The following EHBP1 variants were observed in gnomAD, a reference collection of about 807,000 sequenced individuals.
The protein encoded by EHBP1 is EH domain binding protein 1.
In EHBP1, 55 loss-of-function variants were observed where a neutral mutation model predicts 144.0. That is an observed-to-expected ratio of 0.38 (90% CI 0.31 to 0.48). The LOEUF is 0.48. Among genes scored for constraint, EHBP1 ranks in the 20% least tolerant of loss-of-function variants. The pLI is 0.98. For synonymous variants in EHBP1, 469 were observed against 472.7 expected (o/e 0.99, Z 0.10); for missense variants, 1,200 against 1,364.2 (o/e 0.88, Z 1.90).
intron 10 of EHBP1, among the ~76,000 whole-genome samples, chr2:62,885,966 T>C (rs928544918): frequency 6.6e-6 from 1 of 152,222 alleles, no homozygotes; most frequent in Non-Finnish European, 1.5e-5. Context: ...TAGAAAGTTC[T>C]AAGCAAGACT....
chr2:62,900,684 G>GTATATATATATATATATATATATA (rs147278087), intron 10 of EHBP1, among the ~76,000 whole-genome samples: 9 of 141,484 alleles, frequency 6.4e-5, no homozygotes, highest in African/African-American at 2.2e-4. Context: ...GTGTGTATGT[G>GTATATATATATATATATATATATA]TATATATATA....
chr2:62,981,610 G>A (rs923924786), intron 15 of EHBP1, among the ~76,000 whole-genome samples: 6 of 152,172 alleles, frequency 3.9e-5, no homozygotes, highest in Non-Finnish European at 8.8e-5. Flanking sequence ...TACACTTGAG[G>A]CTAAGCCAGG....
intron 3 of EHBP1, among the ~76,000 whole-genome samples, chr2:62,754,979 G>A (rs1383148453): frequency 2.0e-5 from 3 of 152,168 alleles, no homozygotes; most frequent in Non-Finnish European, 4.4e-5. Context: ...ATGCTCGATG[G>A]GCTGCACCCA....
chr2:63,007,555 T>C (rs1242641612), intron 19 of EHBP1, among the ~76,000 whole-genome samples: 1 of 151,736 alleles, frequency 6.6e-6, no homozygotes, highest in African/African-American at 2.4e-5. Flanking sequence ...ACTTTCCCTT[T>C]AAATGCAGTT....
intron 14 of EHBP1, among the ~76,000 whole-genome samples, chr2:62,968,523 A>T (rs1352802530): frequency 6.6e-6 from 1 of 151,994 alleles, no homozygotes; most frequent in Non-Finnish European, 1.5e-5. Context: ...TAAAACAGTA[A>T]TTTTTTTTAA....
At chr2:62,765,007 C>T (rs1558632582) in intron 4 of EHBP1, among the ~76,000 whole-genome samples, 1 of 151,446 alleles carries the variant, frequency 6.6e-6, no homozygotes. Context: ...TTAAAAAGAC[C>T]TTTAGGATTT....
At chr2:63,031,890 C>T (rs1432067259) in intron 19 of EHBP1, among the ~76,000 whole-genome samples, 1 of 152,112 alleles carries the variant, frequency 6.6e-6, no homozygotes, top group East Asian at 1.9e-4. Context: ...GATCGTGTCA[C>T]TGCACTTCAG....
intron 5 of EHBP1, among the ~76,000 whole-genome samples, chr2:62,812,417 CT>C (rs1481696323): frequency 6.6e-6 from 1 of 152,068 alleles, no homozygotes; most frequent in Non-Finnish European, 1.5e-5. Flanking sequence ...GTGAAGCAGG[CT>C]AAAAAATGCC....
chr2:62,959,526 C>T (rs2057893897), intron 14 of EHBP1, among the ~76,000 whole-genome samples: 1 of 152,202 alleles, frequency 6.6e-6, no homozygotes, highest in African/African-American at 2.4e-5. Flanking sequence ...TCTCCACATT[C>T]TCACCAACAC....
In EHBP1 at chr2:62,864,712, A is replaced by C; in HGVS notation, c.758-19A>C. ...ATATGGTATTCATGTGATTTAATTCATCTGCTATTATTTTATAGAACCTAT... is the reference window on the plus strand; with the variant it reads ...ATATGGTATTCATGTGATTTAATTCCTCTGCTATTATTTTATAGAACCTAT... On this transcript the variant is annotated intron_variant, in intron 8 of 22. Transcript: ENST00000431489. 1 of 1,591,766 alleles carries C rather than the reference A, an allele frequency of 6.3e-7. No homozygotes were observed. Among genetic ancestry groups the C allele is most frequent in the Non-Finnish European group, 8.5e-7 (1 of 1,170,520 alleles).
At chr2:62,935,484 T>G (rs1251417261) in intron 10 of EHBP1, among the ~76,000 whole-genome samples, 1 of 151,786 alleles carries the variant, frequency 6.6e-6, no homozygotes, top group Non-Finnish European at 1.5e-5. Flanking sequence ...CCACTATGAA[T>G]GGTTTTCAAA....
chr2:62,977,211 G>A lies in EHBP1; in HGVS notation c.2461-1977G>A, dbSNP rs571258287. 7.9e-5 allele frequency among the ~76,000 whole-genome samples: 12 copies of A among 150,966 alleles called. 1 individual carries two copies. In the South Asian group the frequency reaches 1.5e-3, roughly 19 times the overall value. ...AGACATATGCATAAAAACAAAGCCC[G>A]GCAGTGGTCCTGCTGTCTTTAGAAT... is the stretch of plus-strand genomic sequence containing the variant. On this transcript the variant is annotated intron_variant, in intron 14 of 22. Transcript: ENST00000431489.
intron 2 of EHBP1, among the ~76,000 whole-genome samples, chr2:62,716,173 C>T (rs2035656551): frequency 6.6e-6 from 1 of 151,866 alleles, no homozygotes; most frequent in Admixed American, 6.6e-5. Flanking sequence ...GAATTTTCTG[C>T]CCCGCAACCC....
chr2:62,861,809 C>A (rs1213414884), intron 8 of EHBP1, among the ~76,000 whole-genome samples: 1 of 150,870 alleles, frequency 6.6e-6, no homozygotes, highest in African/African-American at 2.4e-5. Context: ...ATTCTAGCAT[C>A]TTCAAATCTT....
intron 10 of EHBP1, among the ~76,000 whole-genome samples, chr2:62,907,128 A>C (rs2053868970): frequency 1.3e-5 from 2 of 152,166 alleles, no homozygotes; most frequent in South Asian, 4.1e-4. Flanking sequence ...TGTGATTAAA[A>C]GTTTTCTTTT....
intron 14 of EHBP1, among the ~76,000 whole-genome samples, chr2:62,959,351 C>G (rs1251651407): frequency 2.0e-5 from 3 of 152,180 alleles, no homozygotes; most frequent in African/African-American, 7.2e-5. Flanking sequence ...GTGCTAAAAT[C>G]TCTTCAAGAT....
At chr2:63,015,555 C>T (rs569065076) in intron 19 of EHBP1, among the ~76,000 whole-genome samples, 13 of 152,092 alleles carry the variant, frequency 8.5e-5, no homozygotes, top group Non-Finnish European at 1.8e-4. Context: ...CTATGTTGCC[C>T]AGGCTGGACT....
chr2:62,939,560 G>A (rs547647604), intron 10 of EHBP1, among the ~76,000 whole-genome samples: 2 of 152,154 alleles, frequency 1.3e-5, no homozygotes, highest in East Asian at 1.9e-4. Context: ...GGTGTGAACC[G>A]CCACGCTCGG....
intron 2 of EHBP1, among the ~76,000 whole-genome samples, chr2:62,713,884 T>C (rs761564570): frequency 1.3e-5 from 2 of 152,232 alleles, no homozygotes; most frequent in Non-Finnish European, 2.9e-5. Flanking sequence ...TTCCAGATTT[T>C]AAGTCTTTAT....
Sources: allele counts gnomAD v4.1 joint callset (sites outside exome capture counted in the v4.1 genomes callset), GRCh38; gene constraint gnomAD v4.1.1; transcripts MANE v1.5; gene names NCBI Gene and HGNC (gene_info 2026-07-23, HGNC 2026-07-21).